The following FOXK2 variants were observed in gnomAD, a reference collection of about 807,000 sequenced individuals.
FOXK2 encodes the protein forkhead box protein K2.
In FOXK2, 24 loss-of-function variants were observed where a neutral mutation model predicts 53.3. That is an observed-to-expected ratio of 0.45 (90% confidence interval 0.33 to 0.63). FOXK2 has a LOEUF of 0.63. FOXK2 is among the 30% of genes least tolerant of loss of function. FOXK2 has a pLI of 0.03. For missense variants in FOXK2, 952 were observed against 910.5 expected (o/e 1.05, Z -0.59); for synonymous variants, 505 against 407.1 (o/e 1.24, Z -2.89).
intron 8 of FOXK2, chr17:82,587,509 G>C (rs1009368380): frequency 1.8e-6 from 1 of 547,970 alleles, no homozygotes; most frequent in African/African-American, 1.9e-5. Flanking sequence ...TACATTGAGA[G>C]GGAAAAATAC....
At chr17:82,529,542 C>T (rs964343792) in intron 1 of FOXK2, among the ~76,000 whole-genome samples, 4 of 152,040 alleles carry the variant, frequency 2.6e-5, no homozygotes, top group African/African-American at 7.2e-5. Flanking sequence ...GGCGCGTGCC[C>T]ACTCCCAGCT....
At chr17:82,571,434 C>T (rs911248496) in intron 3 of FOXK2, among the ~76,000 whole-genome samples, 1 of 152,064 alleles carries the variant, frequency 6.6e-6, no homozygotes, top group Non-Finnish European at 1.5e-5. Flanking sequence ...AACCCCGTCT[C>T]TACTAAAACC....
intron 1 of FOXK2, among the ~76,000 whole-genome samples, chr17:82,561,945 CCGGGCTGAGTCCCG>C (rs1434706902): frequency 6.6e-6 from 1 of 152,034 alleles, no homozygotes; most frequent in Non-Finnish European, 1.5e-5. Flanking sequence ...CAGATGTGAG[CCGGGCTGAGTCCCG>C]CGCCGGGTGC....
rs1324477780 is a variant in FOXK2, at chr17:82,544,426, T to TAC, written c.420-18917_420-18916dup. On this transcript the variant is annotated intron_variant, in intron 1 of 8. Coordinates refer to ENST00000335255, the MANE Select transcript of FOXK2 (RefSeq NM_004514.4). ...GGGAAATGGCACTGTGCTGGTACAGTACACACACACACGCCACCCAAAACC... is the reference window on the plus strand; with the variant it reads ...GGGAAATGGCACTGTGCTGGTACAGTACACACACACACACGCCACCCAAAACC... Among the ~76,000 whole-genome samples the TAC allele has an allele frequency of 5.9e-5, 9 of 152,062 alleles. No homozygotes were observed. The South Asian group carries it at 6.2e-4, about 11-fold the overall frequency.
At chr17:82,526,655 C>A (rs1377830666) in intron 1 of FOXK2, among the ~76,000 whole-genome samples, 1 of 152,090 alleles carries the variant, frequency 6.6e-6, no homozygotes, top group African/African-American at 2.4e-5. Context: ...ACGGTGAAAC[C>A]TCATCTCTAC....
intron 1 of FOXK2, among the ~76,000 whole-genome samples, chr17:82,562,409 C>T (rs187705094): frequency 3.2e-4 from 48 of 152,232 alleles, no homozygotes; most frequent in Non-Finnish European, 5.7e-4. Flanking sequence ...GGAGAAACCC[C>T]GTCTCTGCTA....
intron 4 of FOXK2, among the ~76,000 whole-genome samples, chr17:82,579,204 C>T (rs1404143078): frequency 6.6e-6 from 1 of 152,192 alleles, no homozygotes; most frequent in Non-Finnish European, 1.5e-5. Context: ...CAGTCCTAGT[C>T]TCAGAATCTA....
chr17:82,600,607 C>T (rs1165780056), intron 8 of FOXK2: 3 of 152,270 alleles, frequency 2.0e-5, no homozygotes, highest in Non-Finnish European at 2.9e-5. Context: ...GTGGCTCAGC[C>T]AGGCTGGCAC....
At chr17:82,540,545 CCT>C (rs1465284516) in intron 1 of FOXK2, among the ~76,000 whole-genome samples, 1 of 152,102 alleles carries the variant, frequency 6.6e-6, no homozygotes, top group Admixed American at 6.6e-5. Context: ...TACTCATGCC[CCT>C]GTCTTTTCTC....
chr17:82,565,643 CA>C (rs1475678369), intron 2 of FOXK2, among the ~76,000 whole-genome samples: 1 of 152,092 alleles, frequency 6.6e-6, no homozygotes, highest in African/African-American at 2.4e-5. Context: ...CTATTAAAAA[CA>C]AAAAACCCAG....
At chr17:82,577,174 A>T (rs2044998064) in intron 4 of FOXK2, 4 of 965,156 alleles carry the variant, frequency 4.1e-6, no homozygotes, top group Non-Finnish European at 6.4e-6. Context: ...AAAAAAGAAA[A>T]AGAAAAAAAG....
chr17:82,533,040 C>G (rs1273576658), intron 1 of FOXK2, among the ~76,000 whole-genome samples: 1 of 152,184 alleles, frequency 6.6e-6, no homozygotes, highest in Non-Finnish European at 1.5e-5. Flanking sequence ...ACATCTTGTT[C>G]CACTCCAAAG....
intron 1 of FOXK2, among the ~76,000 whole-genome samples, chr17:82,529,655 G>C (rs1436306984): frequency 6.6e-6 from 1 of 152,152 alleles, no homozygotes; most frequent in Non-Finnish European, 1.5e-5. Flanking sequence ...CAAAGTGCTG[G>C]GATTACAGGC....
intron 4 of FOXK2, among the ~76,000 whole-genome samples, chr17:82,581,465 G>A (rs976988648): frequency 7.0e-6 from 1 of 142,582 alleles, no homozygotes; most frequent in Non-Finnish European, 1.5e-5. Flanking sequence ...GTGCCCGGAT[G>A]ATTTTTGTGT....
rs763268934 is a variant in FOXK2, at chr17:82,596,058, C to T, written c.1787-5245C>T. The T allele has an allele frequency of 6.2e-5, 69 of 1,106,266 alleles. No individual in the cohort carries two copies. In the South Asian group the frequency reaches 1.1e-3, roughly 18 times the overall value. The allele number at this position is 1,106,266 out of a possible 1,614,324, so 68.5% of individuals were successfully genotyped here. On this transcript the variant is annotated intron_variant, in intron 8 of 8. Coordinates refer to ENST00000335255, the MANE Select transcript of FOXK2 (RefSeq NM_004514.4). ...CATCTCTGGCCTACCGCAGTGGCCCCGGCTGTCTGCACATTTTTTGTAGAC... is the reference window on the plus strand; with the variant it reads ...CATCTCTGGCCTACCGCAGTGGCCCTGGCTGTCTGCACATTTTTTGTAGAC...
chr17:82,554,250 T>C (rs1468429094), intron 1 of FOXK2, among the ~76,000 whole-genome samples: 2 of 152,206 alleles, frequency 1.3e-5, no homozygotes, highest in African/African-American at 2.4e-5. Context: ...TGGGGACTTA[T>C]TTAAATCTGA....
At chr17:82,525,874 C>A (rs562799238) in intron 1 of FOXK2, among the ~76,000 whole-genome samples, 1 of 152,092 alleles carries the variant, frequency 6.6e-6, no homozygotes, top group Non-Finnish European at 1.5e-5. Context: ...TTCTTTCTTA[C>A]GTGGCCTGAA....
intron 1 of FOXK2, among the ~76,000 whole-genome samples, chr17:82,552,182 G>A (rs2044683668): frequency 1.3e-5 from 2 of 152,240 alleles, no homozygotes; most frequent in South Asian, 4.1e-4. Flanking sequence ...CATGTTGAAG[G>A]CTTACAAATG....
Position 82,587,080 on chromosome 17 carries a change from C to T in FOXK2, c.1594C>T (p.Pro532Ser). The change falls in exon 8 of 9, where the codon CCC becomes TCC. Residue 532 changes from proline to serine, a missense_variant. Around this residue, in one of 5 missense-constraint regions of FOXK2, gnomAD observed 551 missense variants for 385.1 expected, o/e 1.43. Transcript: ENST00000335255. Reference sequence around the variant, plus strand: ...AATTTCAGTGAAAGTAGAGCCTATTCCCGCCATTGGCCACGCCACGCTCGG... The same window carrying T: ...AATTTCAGTGAAAGTAGAGCCTATTTCCGCCATTGGCCACGCCACGCTCGG... ...REVKVKVEPI[P>S]AIGHATLGTA... 6.3e-7 allele frequency: 1 copy of T among 1,578,176 alleles called. No homozygotes were observed. The highest frequency in any genetic ancestry group is 1.1e-5 in the South Asian group (1 of 90,646).
Sources: allele counts gnomAD v4.1 joint callset (sites outside exome capture counted in the v4.1 genomes callset), GRCh38; gene constraint gnomAD v4.1.1; regional missense constraint gnomAD v4.1.1; transcripts MANE v1.5; gene names NCBI Gene and HGNC (gene_info 2026-07-23, HGNC 2026-07-21).